Variants in MYOM1 observed in about 807,000 individuals in gnomAD.
The protein encoded by MYOM1 is myomesin-1.
Under a neutral mutation model 205.3 loss-of-function variants are expected in MYOM1, and 164 were observed. That is an observed-to-expected ratio of 0.80 (90% confidence interval 0.70 to 0.91). MYOM1 has a LOEUF of 0.91. Ranked by LOEUF, MYOM1 falls within the 40% of genes least tolerant of loss-of-function variation. MYOM1 has a pLI of 0.00. For synonymous variants in MYOM1, 772 were observed against 789.4 expected (o/e 0.98, Z 0.37); for missense variants, 2,011 against 2,127.3 (o/e 0.95, Z 1.08).
chr18:3,134,629 C>T (rs1478302806), intron 16 of MYOM1, 21 bp downstream of exon 16: 3 of 1,598,328 alleles, frequency 1.9e-6, no homozygotes, highest in Admixed American at 1.7e-5. Flanking sequence ...ATTGCCCGCC[C>T]TGCACACCCG....
At chr18:3,245,989 T>C in the MYOM1 span, 1 of 152,190 alleles carries the variant, frequency 6.6e-6, no homozygotes, top group African/African-American at 2.4e-5. Flanking sequence ...CCGGAAAGCA[T>C]AAGCCACAGC....
Position 3,090,712 on chromosome 18 carries a change from G to A in MYOM1, c.3955C>T (p.Gln1319Ter). 1 of 1,613,884 alleles carries A rather than the reference G, an allele frequency of 6.2e-7. No individual in the cohort carries two copies. The highest frequency in any genetic ancestry group is 8.5e-7 in the Non-Finnish European group (1 of 1,179,868). Residue 1319 changes from glutamine (Q) to a stop codon, truncating the protein, a stop_gained, in exon 27 of 38, where the codon CAG becomes TAG. Transcript: ENST00000356443. LOFTEE classifies it high-confidence loss of function. Reference sequence around the variant, plus strand: ...TTAGTTGCTTTTCCATCTTGAAGCTGGAAAGTGTACGTTCCCTCATCCTCA... The same window carrying A: ...TTAGTTGCTTTTCCATCTTGAAGCTAGAAAGTGTACGTTCCCTCATCCTCA... The part of the protein sequence containing the change: ...QDEDEGTYTF[Q>*]LQDGKATNHS...
At chr18:3,077,798 C>A (rs1567892830) in intron 34 of MYOM1, among the ~76,000 whole-genome samples, 1 of 152,196 alleles carries the variant, frequency 6.6e-6, no homozygotes, top group Non-Finnish European at 1.5e-5. Flanking sequence ...TGGAATGAAT[C>A]CCCTGTCACT....
intron 16 of MYOM1, 26 bp from the exon 17 acceptor site, chr18:3,131,522 ATTTTC>A: frequency 6.2e-7 from 1 of 1,604,768 alleles, no homozygotes; most frequent in South Asian, 1.1e-5. Context: ...GTTTTAAAAA[ATTTTC>A]CTAGGAGGAA....
At chr18:3,083,391 T>G (rs2079107443) in intron 33 of MYOM1, among the ~76,000 whole-genome samples, 2 of 151,280 alleles carry the variant, frequency 1.3e-5, no homozygotes, top group African/African-American at 2.4e-5. Context: ...AAGAATTTCT[T>G]TTTCTTTCTT....
intron 23 of MYOM1, among the ~76,000 whole-genome samples, chr18:3,100,678 G>T (rs1042414343): frequency 6.6e-6 from 1 of 152,178 alleles, no homozygotes; most frequent in Middle Eastern, 3.2e-3. Context: ...ACATGCCCAA[G>T]CTATGTTGCT....
chr18:3,145,650 T>C lies in MYOM1; in HGVS notation c.1900+3495A>G, dbSNP rs574920903. On this transcript the variant is annotated intron_variant, in intron 13 of 37. Transcript: ENST00000356443. Reference sequence around the variant, plus strand: ...CTAAAGGAGTACTTAGAAAAAAATATTTAGCACTAAATGCATGCGTTATAA... The same window carrying C: ...CTAAAGGAGTACTTAGAAAAAAATACTTAGCACTAAATGCATGCGTTATAA... Among the ~76,000 whole-genome samples the C allele has an allele frequency of 2.0e-5, 3 of 152,128 alleles. No individual in the cohort carries two copies. In the South Asian group the frequency reaches 6.2e-4, roughly 32 times the overall value.
the MYOM1 span, among the ~76,000 whole-genome samples, chr18:3,233,223 T>A: frequency 6.6e-6 from 1 of 152,228 alleles, no homozygotes; most frequent in African/African-American, 2.4e-5. Flanking sequence ...GTACAGAAGT[T>A]TGGTAACAAC....
At position 3,168,962 on chromosome 18, in the gene MYOM1, A is replaced by G; in HGVS notation, c.1194T>C (p.Gly398=). The part of the protein sequence containing the change: ...MPLSFGVTPY[G]YASRFEIHFD... The stretch of plus-strand genomic sequence containing the variant: ...AGTGGATCTCAAACCGGGATGCATA[A>G]CCATATGGGGTCACACCAACTGGGT... Residue 398 remains glycine (G), a synonymous_variant, in exon 9 of 38, where the codon GGT becomes GGC. Transcript: ENST00000356443. 6.2e-7 allele frequency: 1 copy of G among 1,613,050 alleles called. No individual in the cohort carries two copies. The highest frequency in any genetic ancestry group is 8.5e-7 in the Non-Finnish European group (1 of 1,179,452).
At chr18:3,220,687 T>C (rs1395480136), upstream of MYOM1, among the ~76,000 whole-genome samples, 1 of 152,180 alleles carries the variant, frequency 6.6e-6, no homozygotes. Context: ...CAGATCTAGA[T>C]CCCACTATAT....
chr18:3,225,338 A>G, the MYOM1 span, among the ~76,000 whole-genome samples: 174 of 152,172 alleles, frequency 1.1e-3, no homozygotes, highest in African/African-American at 4.1e-3. Context: ...TCTCTTCTCA[A>G]TTCCTTCCTG....
rs1299911782 is a variant in MYOM1 at position 3,085,053 on chromosome 18, A to G, written c.4331T>C (p.Val1444Ala). 6.2e-7 allele frequency: 1 copy of G among 1,604,478 alleles called. No homozygotes were observed. The highest frequency in any genetic ancestry group is 8.5e-7 in the Non-Finnish European group (1 of 1,175,156). The change falls in exon 31 of 38, where the codon GTG becomes GCG. Residue 1444 changes from valine to alanine, a missense_variant. Coordinates refer to ENST00000356443, the MANE Select transcript of MYOM1 (RefSeq NM_003803.4). ...GCAGTTGGTGGACTGACCTTCATCC[A>G]CAAGCTTCAGTCTGCTCTTATCTTT... ...RGKDKSRLKLVDEAFKELMME... is the reference protein window; with the variant it reads ...RGKDKSRLKLADEAFKELMME...
intron 10 of MYOM1, among the ~76,000 whole-genome samples, chr18:3,156,318 A>T (rs974063440): frequency 4.6e-5 from 7 of 152,178 alleles, no homozygotes; most frequent in African/African-American, 1.4e-4. Flanking sequence ...TTTCCCTATG[A>T]TCTACATTCT....
chr18:3,127,854 G>A (rs1317290539), intron 18 of MYOM1, among the ~76,000 whole-genome samples: 1 of 152,088 alleles, frequency 6.6e-6, no homozygotes, highest in Non-Finnish European at 1.5e-5. Context: ...TTTTCATGTG[G>A]TACAATACTA....
intron 10 of MYOM1, among the ~76,000 whole-genome samples, chr18:3,157,692 T>A (rs1314971250): frequency 3.7e-5 from 5 of 136,180 alleles, no homozygotes; most frequent in Non-Finnish European, 7.6e-5. Context: ...ATAATAATAA[T>A]AATAATAATA....
chr18:3,214,880 A>G, intron 2 of MYOM1, 54 bp downstream of exon 2: 2 of 1,510,828 alleles, frequency 1.3e-6, no homozygotes, highest in East Asian at 4.6e-5. Flanking sequence ...AGGGTTACTC[A>G]GAGCACACGC....
intron 9 of MYOM1, among the ~76,000 whole-genome samples, chr18:3,164,689 T>C (rs1273286564): frequency 2.6e-5 from 4 of 152,168 alleles, no homozygotes; most frequent in Non-Finnish European, 4.4e-5. Context: ...AGGCCCCTTG[T>C]TCAAAAAGCA....
chr18:3,155,252 C>A (rs535472175), intron 10 of MYOM1, among the ~76,000 whole-genome samples, 164 bp from the exon 11 acceptor site: 4 of 152,148 alleles, frequency 2.6e-5, no homozygotes, highest in African/African-American at 9.7e-5. Context: ...GACGGAGTCT[C>A]GCTCTGTCAC....
At chr18:3,070,358 G>T (rs1261848302) in intron 37 of MYOM1, among the ~76,000 whole-genome samples, 1 of 152,064 alleles carries the variant, frequency 6.6e-6, no homozygotes, top group African/African-American at 2.4e-5. Flanking sequence ...TCATTATGTT[G>T]CCCAGGCTAG....
Sources: gnomAD v4.1 joint callset for allele counts (sites outside exome capture counted in the v4.1 genomes callset) on GRCh38, gnomAD v4.1.1 for gene constraint, MANE v1.5 for transcripts, NCBI Gene and HGNC (gene_info 2026-07-23, HGNC 2026-07-21) for gene names.